The following GJC2 variants were observed in gnomAD, a reference collection of about 807,000 sequenced individuals.
GJC2 encodes the protein gap junction protein gamma 2.
For missense variants in GJC2, 647 were observed against 648.9 expected (o/e 1.00, Z 0.03); for synonymous variants, 336 against 307.5 (o/e 1.09, Z -0.97).
chr1:228,157,775 G>A lies in GJC2; in HGVS notation c.17G>A (p.Trp6Ter), dbSNP rs878853083. ...CCCGCCCCTATGACCAACATGAGCTGGAGCTTCCTGACGCGGCTGCTGGAG... is the reference window on the plus strand; with the variant it reads ...CCCGCCCCTATGACCAACATGAGCTAGAGCTTCCTGACGCGGCTGCTGGAG... The part of the protein sequence containing the change: MTNMS[W>*]SFLTRLLEEI... Residue 6 changes from tryptophan to a stop codon, truncating the protein, a stop_gained, in exon 2 of 2, where the codon TGG becomes TAG. Transcript: ENST00000366714. LOFTEE classifies it low-confidence loss of function (END_TRUNC). The A allele has an allele frequency of 3.0e-6, 3 of 1,015,386 alleles. No individual in the cohort carries two copies. The highest frequency in any genetic ancestry group is 3.9e-5 in the African/African-American group (2 of 51,448). 62.9% of individuals were successfully genotyped at this position (1,015,386 alleles called of 1,614,324 possible).
In GJC2 at chr1:228,157,749, G is replaced by A; in HGVS notation, c.-10G>A. ...CTACCCCGCCCCACAGGACCCGCCC[G>A]CCCGCCCCTATGACCAACATGAGCT... On this transcript the variant is annotated 5_prime_UTR_variant, in exon 2 of 2. Transcript: ENST00000366714. The A allele has an allele frequency of 2.3e-6, 2 of 880,586 alleles. No individual in the cohort carries two copies. The highest frequency in any genetic ancestry group is 3.1e-5 in the Admixed American group (1 of 31,920). The allele number at this position is 880,586 out of a possible 1,614,324, so 54.5% of individuals were successfully genotyped here.
chr1:228,153,395 A>C (rs994813893), intron 1 of GJC2, among the ~76,000 whole-genome samples: 1 of 151,626 alleles, frequency 6.6e-6, no homozygotes, highest in African/African-American at 2.4e-5. Context: ...TCAAAAAAAA[A>C]AAAAAAAAGT....
rs967645835 is a variant in GJC2, at chr1:228,150,815, C to G, written c.-20+808C>G. ...TGCTGGGCGTTCAGGAGGGAAGAGA[C>G]GGGTTCGTGGATCCTGCGGGTGGAG... is the stretch of plus-strand genomic sequence containing the variant. On this transcript the variant is annotated intron_variant, in intron 1 of 1. Transcript: ENST00000366714. The surrounding 1 kb of genome is among the most constrained non-coding windows in gnomAD (Gnocchi z 4.6). Among the ~76,000 whole-genome samples, 9 of 152,030 alleles carry G rather than the reference C, an allele frequency of 5.9e-5. No individual in the cohort carries two copies. Among genetic ancestry groups the G allele is most frequent in the African/African-American group, 2.2e-4 (9 of 41,390 alleles).
At chr1:228,156,646 C>T (rs527707762) in intron 1 of GJC2, among the ~76,000 whole-genome samples, 116 of 152,370 alleles carry the variant, frequency 7.6e-4, no homozygotes, top group Admixed American at 2.2e-3. Context: ...TGGTCCCACA[C>T]CTGCCGCTGC....
Position 228,157,824 on chromosome 1 carries a change from C to T in GJC2, c.66C>T (p.Phe22=). 7.5e-6 allele frequency: 12 copies of T among 1,600,750 alleles called. No individual in the cohort carries two copies. Among genetic ancestry groups the T allele is most frequent in the Non-Finnish European group, 1.0e-5 (12 of 1,174,106 alleles). The change falls in exon 2 of 2, where the codon TTC becomes TTT. Residue 22 remains phenylalanine (F), a synonymous_variant. Coordinates refer to ENST00000366714, the MANE Select transcript of GJC2 (RefSeq NM_020435.4). ...LLEEIHNHST[F]VGKVWLTVLV... ...AGGAGATCCACAACCACTCCACCTTCGTGGGCAAGGTGTGGCTCACGGTGC... is the reference window on the plus strand; with the variant it reads ...AGGAGATCCACAACCACTCCACCTTTGTGGGCAAGGTGTGGCTCACGGTGC...
Position 228,158,927 on chromosome 1 carries a change from C to T in GJC2, c.1169C>T (p.Pro390Leu), listed in dbSNP as rs1229751931. 7 of 1,521,310 alleles carry T rather than the reference C, an allele frequency of 4.6e-6. No homozygotes were observed. Among genetic ancestry groups the T allele is most frequent in the Non-Finnish European group, 6.1e-6 (7 of 1,140,054 alleles). The allele number at this position is 1,521,310 out of a possible 1,614,324, so 94.2% of individuals were successfully genotyped here. A position where few individuals can be genotyped will look rare whatever the true frequency, so the allele number is the denominator to read the frequency against. The stretch of plus-strand genomic sequence containing the variant: ...CGGGGGCCCCCCAGAGCAGGCGCCC[C>T]CGCGTCCCGGACGGGCAGTGCTACC... ...ASRGPPRAGAPASRTGSATSA... is the reference protein window; with the variant it reads ...ASRGPPRAGALASRTGSATSA... Residue 390 changes from proline (P) to leucine (L), a missense_variant, in exon 2 of 2, where the codon CCC becomes CTC. Physicochemically the swap from Pro to Leu is moderately conservative, Grantham distance 98. Transcript: ENST00000366714. The surrounding 1 kb of genome is among the most constrained non-coding windows in gnomAD (Gnocchi z 8.3).
rs943705701 is a variant in GJC2 at position 228,152,880 on chromosome 1, A to C, written c.-20+2873A>C. On this transcript the variant is annotated intron_variant, in intron 1 of 1. Coordinates refer to ENST00000366714, the MANE Select transcript of GJC2 (RefSeq NM_020435.4). The surrounding 1 kb of genome is among the most constrained non-coding windows in gnomAD (Gnocchi z 7.3). ...GGTGGCCTCCTGTGGTCACCCCCCT[A>C]CCTCGCCCTGACACCTTACTAACCC... is the stretch of plus-strand genomic sequence containing the variant. Among the ~76,000 whole-genome samples the C allele has an allele frequency of 6.6e-6, 1 of 151,348 alleles. No homozygotes were observed. Among genetic ancestry groups the C allele is most frequent in the Admixed American group, 6.6e-5 (1 of 15,218 alleles).
At chr1:228,155,729 C>T (rs2034670241) in intron 1 of GJC2, among the ~76,000 whole-genome samples, 1 of 152,200 alleles carries the variant, frequency 6.6e-6, no homozygotes, top group Admixed American at 6.5e-5. Context: ...TGCCAGCCCT[C>T]AGACGCCAGG....
Position 228,157,740 on chromosome 1 carries a change from G to GGGGGGGGGGGGGGGGGCC in GJC2, c.-19_-18insGGGGGGGGGGGGGGGGCC. 1 of 662,262 alleles carries GGGGGGGGGGGGGGGGGCC rather than the reference G, an allele frequency of 1.5e-6. No homozygotes were observed. The highest frequency in any genetic ancestry group is 1.9e-5 in the African/African-American group (1 of 53,484). 41.0% of individuals were successfully genotyped at this position (662,262 alleles called of 1,614,324 possible). A position where few individuals can be genotyped will look rare whatever the true frequency, so the allele number is the denominator to read the frequency against. On this transcript the variant is annotated splice_region_variant and 5_prime_UTR_variant, in exon 2 of 2. Transcript: ENST00000366714. ...GGCTGACCCCTACCCCGCCCCACAGGACCCGCCCGCCCGCCCCTATGACCA... is the reference window on the plus strand; with the variant it reads ...GGCTGACCCCTACCCCGCCCCACAGGGGGGGGGGGGGGGGGGCCACCCGCCCGCCCGCCCCTATGACCA...
rs2034607461 is a variant in GJC2, at chr1:228,150,795, G to T, written c.-20+788G>T. ...GTGAGCCCAGGATTCCTGGCTGCTG[G>T]GCGTTCAGGAGGGAAGAGACGGGTT... On this transcript the variant is annotated intron_variant, in intron 1 of 1. Coordinates refer to ENST00000366714, the MANE Select transcript of GJC2 (RefSeq NM_020435.4). This position sits in a 1 kb window ranked among gnomAD's most constrained non-coding sequence, Gnocchi z 4.6. 6.6e-6 allele frequency among the ~76,000 whole-genome samples: 1 copy of T among 152,132 alleles called. No homozygotes were observed. Among genetic ancestry groups the T allele is most frequent in the Non-Finnish European group, 1.5e-5 (1 of 67,996 alleles).
At position 228,158,781 on chromosome 1, in the gene GJC2, G is replaced by A. The variant is rs1395608617; in HGVS notation, c.1023G>A (p.Glu341=). The change falls in exon 2 of 2, where the codon GAG becomes GAA. Residue 341 remains glutamate (E), a synonymous_variant. Coordinates refer to ENST00000366714, the MANE Select transcript of GJC2 (RefSeq NM_020435.4). The surrounding 1 kb of genome is among the most constrained non-coding windows in gnomAD (Gnocchi z 8.3). ...ACAGCCTGGTGGTGCGGGCGGCCGA[G>A]CGCGCTCGGGCGCATGACCAGAACC... is the stretch of plus-strand genomic sequence containing the variant. The part of the protein sequence containing the change: ...PDYSLVVRAA[E]RARAHDQNLA... 2.8e-6 allele frequency: 4 copies of A among 1,417,560 alleles called. No homozygotes were observed. Among genetic ancestry groups the A allele is most frequent in the Middle Eastern group, 4.7e-4 (2 of 4,274 alleles). 87.8% of individuals were successfully genotyped at this position (1,417,560 alleles called of 1,614,324 possible).
At position 228,158,658 on chromosome 1, in the gene GJC2, C is replaced by A. The variant is rs569642429; in HGVS notation, c.900C>A (p.Gly300=). 6.0e-6 allele frequency: 9 copies of A among 1,504,592 alleles called. No homozygotes were observed. In the South Asian group the frequency reaches 8.2e-5, roughly 14 times the overall value. The allele number at this position is 1,504,592 out of a possible 1,614,324, so 93.2% of individuals were successfully genotyped here. Reference sequence around the variant, plus strand: ...GCAGCGCGCAGGACGCGGTGCGCGGCCGCCGCGGCCCCCCGGCCTCCGCCC... The same window carrying A: ...GCAGCGCGCAGGACGCGGTGCGCGGACGCCGCGGCCCCCCGGCCTCCGCCC... The part of the protein sequence containing the change: ...GLGSAQDAVR[G]RRGPPASAPA... Residue 300 remains glycine, a synonymous_variant, in exon 2 of 2, where the codon GGC becomes GGA. Transcript: ENST00000366714. The surrounding 1 kb of genome is among the most constrained non-coding windows in gnomAD (Gnocchi z 8.3).
At chr1:228,156,120 G>C (rs778087190) in intron 1 of GJC2, among the ~76,000 whole-genome samples, 2 of 152,226 alleles carry the variant, frequency 1.3e-5, no homozygotes, top group Non-Finnish European at 2.9e-5. Context: ...GAGTGTGCCC[G>C]CCTGTGCATG....
Position 228,157,982 on chromosome 1 carries a change from C to T in GJC2, c.224C>T (p.Ser75Leu). ...NVCYDAFAPL[S>L]HVRFWVFQIV... ...TGCTATGACGCCTTCGCGCCCCTGT[C>T]GCACGTGCGCTTCTGGGTCTTCCAG... The change falls in exon 2 of 2, where the codon TCG (serine) becomes TTG (leucine). Residue 75 changes from serine to leucine, a missense_variant. Coordinates refer to ENST00000366714, the MANE Select transcript of GJC2 (RefSeq NM_020435.4). 6.2e-7 allele frequency: 1 copy of T among 1,612,346 alleles called. No homozygotes were observed. The highest frequency in any genetic ancestry group is 8.5e-7 in the Non-Finnish European group (1 of 1,179,734).
intron 1 of GJC2, among the ~76,000 whole-genome samples, chr1:228,154,026 T>A (rs2034650891): frequency 6.6e-6 from 1 of 152,118 alleles, no homozygotes; most frequent in Non-Finnish European, 1.5e-5. Flanking sequence ...AGTGCAGAGT[T>A]CTTATAGACC....
intron 1 of GJC2, 24 bp from the exon 2 acceptor site, chr1:228,157,716 G>A (rs1413574950): frequency 6.9e-6 from 10 of 1,452,612 alleles, no homozygotes; most frequent in Non-Finnish European, 8.4e-6. Flanking sequence ...CAGGCCCCTG[G>A]CTGACCCCTA....
At position 228,158,654 on chromosome 1, in the gene GJC2, G is replaced by GGCCCCC; in HGVS notation, c.896_897insGCCCCC (p.Arg299_Gly300insProPro). Reference sequence around the variant, plus strand: ...TTGGGCAGCGCGCAGGACGCGGTGCGCGGCCGCCGCGGCCCCCCGGCCTCC... The same window carrying GGCCCCC: ...TTGGGCAGCGCGCAGGACGCGGTGCGGCCCCCCGGCCGCCGCGGCCCCCCGGCCTCC... On this transcript the variant is annotated inframe_insertion, in exon 2 of 2. Transcript: ENST00000366714. This position sits in a 1 kb window ranked among gnomAD's most constrained non-coding sequence, Gnocchi z 8.3. 6.6e-7 allele frequency: 1 copy of GGCCCCC among 1,521,282 alleles called. No individual in the cohort carries two copies. Among genetic ancestry groups the GGCCCCC allele is most frequent in the Non-Finnish European group, 8.8e-7 (1 of 1,131,530 alleles). The allele number at this position is 1,521,282 out of a possible 1,614,324, so 94.2% of individuals were successfully genotyped here. A position where few individuals can be genotyped will look rare whatever the true frequency, so the allele number is the denominator to read the frequency against.
In GJC2 at chr1:228,150,900, C is replaced by T. The variant is rs1006074732; in HGVS notation, c.-20+893C>T. ...CACCCCCTCACTCCCAGTATGGATA[C>T]CCGCCAGGGCTCGGTTTCTGGAGGG... On this transcript the variant is annotated intron_variant, in intron 1 of 1. Transcript: ENST00000366714. This position sits in a 1 kb window ranked among gnomAD's most constrained non-coding sequence, Gnocchi z 4.6. 6.6e-6 allele frequency among the ~76,000 whole-genome samples: 1 copy of T among 151,898 alleles called. No homozygotes were observed. Among genetic ancestry groups the T allele is most frequent in the Non-Finnish European group, 1.5e-5 (1 of 67,904 alleles).
rs747380067 is a variant in GJC2 at position 228,158,357 on chromosome 1, G to A, written c.599G>A (p.Gly200Glu). 1.7e-5 allele frequency: 27 copies of A among 1,592,052 alleles called. No individual in the cohort carries two copies. The highest frequency in any genetic ancestry group is 2.2e-5 in the Non-Finnish European group (26 of 1,173,700). Residue 200 changes from glycine to glutamate, a missense_variant, in exon 2 of 2, where the codon GGG (glycine) becomes GAG (glutamate). Transcript: ENST00000366714. This position sits in a 1 kb window ranked among gnomAD's most constrained non-coding sequence, Gnocchi z 8.3. ...GTPGPTGQHDGRRRIQREGLM... is the reference protein window; with the variant it reads ...GTPGPTGQHDERRRIQREGLM... ...CCGGGCCCGACCGGGCAACACGATG[G>A]GCGGAGGCGCATCCAGCGGGAGGGC...
Sources: allele counts gnomAD v4.1 joint callset (sites outside exome capture counted in the v4.1 genomes callset), GRCh38; gene constraint gnomAD v4.1.1; non-coding constraint Gnocchi (gnomAD v3.1); transcripts MANE v1.5; gene names NCBI Gene and HGNC (gene_info 2026-07-23, HGNC 2026-07-21).